The following ZNF316 variants were observed in gnomAD, a reference collection of about 807,000 sequenced individuals.
ZNF316 encodes the protein zinc finger protein 316.
Under a neutral mutation model 75.6 loss-of-function variants are expected in ZNF316, and 23 were observed. The observed-to-expected ratio is 0.30, with a 90% CI of 0.22 to 0.43. ZNF316 has a LOEUF of 0.43. Among genes scored for constraint, ZNF316 ranks in the 20% least tolerant of loss-of-function variants. The pLI, the probability that ZNF316 is intolerant of heterozygous loss-of-function variation, is 1.00. For missense variants in ZNF316, 1,266 were observed against 1,409.4 expected (o/e 0.90, Z 1.63); for synonymous variants, 827 against 666.2 (o/e 1.24, Z -3.72).
At chr7:6,638,697 G>A (rs971816324) in intron 2 of ZNF316, among the ~76,000 whole-genome samples, 1 of 152,196 alleles carries the variant, frequency 6.6e-6, no homozygotes, top group African/African-American at 2.4e-5. Flanking sequence ...CACTTTGTGA[G>A]GTCGAGGCGG....
chr7:6,650,804 C>G (rs1466115498), intron 8 of ZNF316, among the ~76,000 whole-genome samples: 1 of 152,160 alleles, frequency 6.6e-6, no homozygotes, highest in Non-Finnish European at 1.5e-5. Flanking sequence ...ATGAAGGTGC[C>G]TTAGAGCATC....
chr7:6,646,289 G>T (rs1000519321), intron 8 of ZNF316, among the ~76,000 whole-genome samples: 2 of 152,218 alleles, frequency 1.3e-5, no homozygotes, highest in African/African-American at 4.8e-5. Flanking sequence ...GAGGGCTCTG[G>T]TTGGCAAGAA....
Position 6,639,409 on chromosome 7 carries a change from G to T in ZNF316, c.-167+268G>T, listed in dbSNP as rs1479573884. Among the ~76,000 whole-genome samples, 1 of 152,182 alleles carries T rather than the reference G, an allele frequency of 6.6e-6. No individual in the cohort carries two copies. The highest frequency in any genetic ancestry group is 2.4e-5 in the African/African-American group (1 of 41,456). On this transcript the variant is annotated intron_variant, in intron 3 of 8. Transcript: ENST00000382252. The surrounding 1 kb of genome is among the most constrained non-coding windows in gnomAD (Gnocchi z 4.2). ...GAGATGATAAGACAGTCTCATAAGTGTATTTTTAAGATGTGGTGAGTGCTG... is the reference window on the plus strand; with the variant it reads ...GAGATGATAAGACAGTCTCATAAGTTTATTTTTAAGATGTGGTGAGTGCTG...
chr7:6,644,750 A>G (rs1035735799), intron 8 of ZNF316, among the ~76,000 whole-genome samples, 157 bp downstream of exon 8: 4 of 152,182 alleles, frequency 2.6e-5, no homozygotes, highest in African/African-American at 4.8e-5. Flanking sequence ...AGTTCCAGAA[A>G]GGTCCGAGGG....
chr7:6,641,288 C>A (rs1220654531), intron 3 of ZNF316, among the ~76,000 whole-genome samples: 1 of 152,206 alleles, frequency 6.6e-6, no homozygotes, highest in African/African-American at 2.4e-5. Context: ...CATGGCCTCT[C>A]CCCCTGGATT....
intron 8 of ZNF316, among the ~76,000 whole-genome samples, chr7:6,648,705 G>T (rs1779453100): frequency 6.6e-6 from 1 of 152,216 alleles, no homozygotes; most frequent in Non-Finnish European, 1.5e-5. Context: ...GGGCCCCCCA[G>T]CTGCCTTTTG....
chr7:6,643,193 A>G, intron 6 of ZNF316, 120 bp downstream of exon 6: 3 of 1,213,732 alleles, frequency 2.5e-6, no homozygotes, highest in Non-Finnish European at 3.1e-6. Flanking sequence ...TCCCCGGACC[A>G]GGCCCAGGCC....
rs117515622 is a variant in ZNF316, at chr7:6,652,343, G to A, written c.747G>A (p.Glu249=). The A allele has an allele frequency of 2.2e-3, 2,686 of 1,232,432 alleles. 68 individuals carry two copies. The East Asian group carries it at 0.057, about 26-fold the overall frequency. 76.3% of individuals were successfully genotyped at this position (1,232,432 alleles called of 1,614,324 possible). Reference sequence around the variant, plus strand: ...CGGACGACATAGAGGACCACGAGGAGGAAGACGACGAGGACTTCCTGGCGG... The same window carrying A: ...CGGACGACATAGAGGACCACGAGGAAGAAGACGACGAGGACTTCCTGGCGG... ...FWTDDIEDHE[E]EDDEDFLAEV... is the part of the protein sequence containing the mutation. Residue 249 remains glutamate, a synonymous_variant, in exon 9 of 9, where the codon GAG becomes GAA. Transcript: ENST00000382252.
At chr7:6,644,068 A>G (rs1779356633) in intron 7 of ZNF316, 120 bp downstream of exon 7, 21 of 1,101,240 alleles carry the variant, frequency 1.9e-5, no homozygotes, top group Non-Finnish European at 2.3e-5. Context: ...TGCTGGGCCC[A>G]GCCCACCTCC....
chr7:6,642,930 A>G lies in ZNF316; in HGVS notation c.356-34A>G. 1 of 1,232,264 alleles carries G rather than the reference A, an allele frequency of 8.1e-7. No homozygotes were observed. Among genetic ancestry groups the G allele is most frequent in the Non-Finnish European group, 1.0e-6 (1 of 988,162 alleles). The allele number at this position is 1,232,264 out of a possible 1,614,324, so 76.3% of individuals were successfully genotyped here. ...TCCTGGCCCTGCAGGCTGGGGGCTC[A>G]GGGCAGCTGGCCCTAAGAGATCTCT... is the stretch of plus-strand genomic sequence containing the variant. On this transcript the variant is annotated intron_variant, in intron 5 of 8. Transcript: ENST00000382252. The surrounding 1 kb of genome is among the most constrained non-coding windows in gnomAD (Gnocchi z 8.1).
At position 6,652,983 on chromosome 7, in the gene ZNF316, G is replaced by A. The variant is rs1779538866; in HGVS notation, c.1387G>A (p.Gly463Ser). 7 of 1,234,080 alleles carry A rather than the reference G, an allele frequency of 5.7e-6. No homozygotes were observed. The highest frequency in any genetic ancestry group is 4.2e-5 in the Admixed American group (1 of 23,724). The allele number at this position is 1,234,080 out of a possible 1,614,324, so 76.4% of individuals were successfully genotyped here. The change falls in exon 9 of 9, where the codon GGC becomes AGC. Residue 463 changes from glycine (G) to serine (S), a missense_variant. Transcript: ENST00000382252. ...GCGACCCTACCCGTGTTCGCACTGC[G>A]GCCGCAGCTTCAGCCAGAGCTCGGC... ...GERPYPCSHC[G>S]RSFSQSSALA...
intron 7 of ZNF316, 108 bp from the exon 8 acceptor site, chr7:6,644,372 G>A: frequency 1.9e-6 from 1 of 522,194 alleles, no homozygotes; most frequent in African/African-American, 2.0e-5. Context: ...GAGGGCTGGT[G>A]CTGGGAAGAT....
intron 8 of ZNF316, among the ~76,000 whole-genome samples, chr7:6,648,956 T>A (rs1234938163): frequency 6.6e-6 from 1 of 152,164 alleles, no homozygotes; most frequent in African/African-American, 2.4e-5. Context: ...GGATCGTTCC[T>A]GTGACAGCCC....
At chr7:6,644,704 C>A in intron 8 of ZNF316, 111 bp downstream of exon 8, 1 of 526,202 alleles carries the variant, frequency 1.9e-6, no homozygotes, top group Non-Finnish European at 2.9e-6. Context: ...CCTCTGACTG[C>A]GCCTCTGCCT....
At position 6,639,322 on chromosome 7, in the gene ZNF316, G is replaced by C. The variant is rs1779273768; in HGVS notation, c.-167+181G>C. Among the ~76,000 whole-genome samples, 1 of 152,184 alleles carries C rather than the reference G, an allele frequency of 6.6e-6. No individual in the cohort carries two copies. Among genetic ancestry groups the C allele is most frequent in the Non-Finnish European group, 1.5e-5 (1 of 68,038 alleles). ...AATGCTTCTTAAGTGCTGGTGTGAG[G>C]GGTATTCAGACATGAGCAAAGGGAG... On this transcript the variant is annotated intron_variant, in intron 3 of 8. Coordinates refer to ENST00000382252, the MANE Select transcript of ZNF316 (RefSeq NM_001278559.2). This position sits in a 1 kb window ranked among gnomAD's most constrained non-coding sequence, Gnocchi z 4.2.
rs966666925 is a variant in ZNF316 at position 6,652,600 on chromosome 7, C to T, written c.1004C>T (p.Ala335Val). The change falls in exon 9 of 9, where the codon GCA (alanine) becomes GTA (valine). Residue 335 changes from alanine to valine, a missense_variant. This residue lies in a region of ZNF316 where 961 missense variants were observed against 990.9 expected (regional missense o/e 0.97). Coordinates refer to ENST00000382252, the MANE Select transcript of ZNF316 (RefSeq NM_001278559.2). ...NLLSPWAFPA[A>V]VAPPAGRPET... ...CTGTCGCCCTGGGCGTTCCCCGCCG[C>T]AGTGGCCCCGCCGGCCGGGAGGCCG... 146 of 1,230,418 alleles carry T rather than the reference C, an allele frequency of 1.2e-4. No homozygotes were observed. Among genetic ancestry groups the T allele is most frequent in the East Asian group, 3.2e-4 (10 of 31,616 alleles). 76.2% of individuals were successfully genotyped at this position (1,230,418 alleles called of 1,614,324 possible).
intron 2 of ZNF316, among the ~76,000 whole-genome samples, chr7:6,638,366 G>A (rs373638737): frequency 1.3e-5 from 2 of 152,206 alleles, no homozygotes. Flanking sequence ...AAGTCCTTCA[G>A]GAGGGCATGA....
rs1218247922 is a variant in ZNF316, at chr7:6,656,327, C to T, written c.*1716C>T. ...GGGGCTCTGGGAATCTCAGCTCTAG[C>T]CCTGTATGGCCAGGATCTGCTGTCT... is the stretch of plus-strand genomic sequence containing the variant. On this transcript the variant is annotated 3_prime_UTR_variant, in exon 9 of 9. Coordinates refer to ENST00000382252, the MANE Select transcript of ZNF316 (RefSeq NM_001278559.2). 2.6e-5 allele frequency: 4 copies of T among 152,142 alleles called. No individual in the cohort carries two copies. The highest frequency in any genetic ancestry group is 2.6e-4 in the Admixed American group (4 of 15,266). 9.4% of individuals were successfully genotyped at this position (152,142 alleles called of 1,614,324 possible).
In ZNF316 at chr7:6,653,518, C is replaced by G; in HGVS notation, c.1922C>G (p.Ser641Cys). 4 of 1,220,144 alleles carry G rather than the reference C, an allele frequency of 3.3e-6. No homozygotes were observed. The highest frequency in any genetic ancestry group is 4.1e-6 in the Non-Finnish European group (4 of 980,972). 75.6% of individuals were successfully genotyped at this position (1,220,144 alleles called of 1,614,324 possible). ...CCGGCGCCCCTGGGGGGCCCGCTCT[C>G]CCTGGTGGAGGGTACCGGGCTGGCG... ...PLPAPLGGPL[S>C]LVEGTGLACD... Residue 641 changes from serine to cysteine, a missense_variant, in exon 9 of 9, where the codon TCC becomes TGC. Physicochemically the swap from Ser to Cys is moderately radical, Grantham distance 112 (BLOSUM62 -1). Transcript: ENST00000382252.
Sources: allele counts gnomAD v4.1 joint callset (sites outside exome capture counted in the v4.1 genomes callset), GRCh38; gene constraint gnomAD v4.1.1; regional missense constraint gnomAD v4.1.1; non-coding constraint Gnocchi (gnomAD v3.1); transcripts MANE v1.5; gene names NCBI Gene and HGNC (gene_info 2026-07-23, HGNC 2026-07-21).